KDM4C: variants seen among roughly 807,000 people sequenced by gnomAD.
KDM4C encodes lysine demethylase 4C, also known as lysine-specific demethylase 4C.
Under a neutral mutation model 129.3 loss-of-function variants are expected in KDM4C, and 81 were observed. The observed-to-expected ratio is 0.63, with a 90% CI of 0.52 to 0.75. The LOEUF (loss-of-function observed/expected upper bound fraction) is 0.75. Ranked by LOEUF, KDM4C falls within the 30% of genes least tolerant of loss-of-function variation. KDM4C has a pLI of 0.00. For synonymous variants in KDM4C, 573 were observed against 456.1 expected (o/e 1.26, Z -3.26); for missense variants, 1,457 against 1,304.0 (o/e 1.12, Z -1.81).
intron 17 of KDM4C, among the ~76,000 whole-genome samples, chr9:7,079,925 T>A (rs1248787454): frequency 6.6e-6 from 1 of 152,050 alleles, no homozygotes; most frequent in African/African-American, 2.4e-5. Flanking sequence ...TCCCACAACT[T>A]CTTTTGCTTT....
intron 21 of KDM4C, chr9:7,170,745 A>G: frequency 1.0e-6 from 1 of 983,152 alleles, no homozygotes; most frequent in Non-Finnish European, 1.2e-6. Flanking sequence ...AGTGCTTATG[A>G]TATACTTGTC....
At chr9:6,785,481 C>A (rs564066426) in intron 1 of KDM4C, among the ~76,000 whole-genome samples, 1 of 152,154 alleles carries the variant, frequency 6.6e-6, no homozygotes, top group Non-Finnish European at 1.5e-5. Context: ...GGATTACAGG[C>A]ACCCGCCACC....
chr9:7,021,218 C>G (rs1824791991), intron 15 of KDM4C, among the ~76,000 whole-genome samples: 1 of 151,324 alleles, frequency 6.6e-6, no homozygotes, highest in Non-Finnish European at 1.5e-5. Context: ...GTGGCACAAT[C>G]TCGGCTCACT....
At chr9:7,030,302 A>C (rs144180832) in intron 15 of KDM4C, among the ~76,000 whole-genome samples, 1 of 152,358 alleles carries the variant, frequency 6.6e-6, no homozygotes, top group African/African-American at 2.4e-5. Flanking sequence ...AATACTGACC[A>C]GATGACTAAT....
At chr9:7,021,066 A>G (rs1824738985) in intron 15 of KDM4C, among the ~76,000 whole-genome samples, 1 of 151,616 alleles carries the variant, frequency 6.6e-6, no homozygotes, top group African/African-American at 2.4e-5. Flanking sequence ...GAAGAGTGTC[A>G]ATGGTTGAGC....
intron 4 of KDM4C, among the ~76,000 whole-genome samples, chr9:6,833,585 A>G (rs922132482): frequency 3.3e-5 from 5 of 152,218 alleles, no homozygotes; most frequent in Non-Finnish European, 2.9e-5. Context: ...TCTTTGCTGC[A>G]GTCCCCTCAT....
chr9:7,020,780 G>A (rs905010107), intron 15 of KDM4C, among the ~76,000 whole-genome samples: 5 of 152,234 alleles, frequency 3.3e-5, no homozygotes, highest in African/African-American at 7.2e-5. Flanking sequence ...TGGGGTGTAC[G>A]TCATTTCAAG....
chr9:6,983,256 A>G (rs770104961), intron 9 of KDM4C, among the ~76,000 whole-genome samples: 2 of 152,158 alleles, frequency 1.3e-5, no homozygotes, highest in Non-Finnish European at 2.9e-5. Context: ...TGTATAATAC[A>G]TATGGGTGTG....
At chr9:6,881,691 G>A (rs1443049590) in intron 6 of KDM4C, among the ~76,000 whole-genome samples, 3 of 152,194 alleles carry the variant, frequency 2.0e-5, no homozygotes, top group African/African-American at 7.2e-5. Context: ...TCAGTAAGAG[G>A]TTAATGAACT....
chr9:6,984,368 G>C lies in KDM4C; in HGVS notation c.1318G>C (p.Val440Leu), dbSNP rs368350253. ...EEESSASRMQ[V>L]EQNLSDHIKL... ...AGAGTCATCTGCTAGCAGGATGCAG[G>C]TGGAGCAGAATTTATCAGATCATAT... Residue 440 changes from valine to leucine, a missense_variant, in exon 10 of 22, where the codon GTG becomes CTG. By Grantham distance (32) the Val-to-Leu change is conservative. Coordinates refer to ENST00000381309, the MANE Select transcript of KDM4C (RefSeq NM_015061.6). 1.2e-5 allele frequency: 19 copies of C among 1,613,700 alleles called. No individual in the cohort carries two copies. In the African/African-American group the frequency reaches 2.5e-4, roughly 22 times the overall value.
chr9:7,072,996 A>C (rs1215359168), intron 17 of KDM4C, among the ~76,000 whole-genome samples: 1 of 152,154 alleles, frequency 6.6e-6, no homozygotes, highest in East Asian at 1.9e-4. Context: ...GGTGAAGAAA[A>C]GTAGTAGGAG....
At chr9:7,163,613 T>C (rs2130389874) in intron 19 of KDM4C, among the ~76,000 whole-genome samples, 1 of 152,110 alleles carries the variant, frequency 6.6e-6, no homozygotes, top group African/African-American at 2.4e-5. Context: ...CTGATGCGAC[T>C]CTCTAACCTC....
intron 19 of KDM4C, among the ~76,000 whole-genome samples, chr9:7,162,599 A>G (rs897641515): frequency 1.3e-5 from 2 of 152,212 alleles, no homozygotes; most frequent in African/African-American, 4.8e-5. Flanking sequence ...ATGCTTGTCC[A>G]GTCCACGTTT....
chr9:6,847,689 C>T (rs763014306), intron 4 of KDM4C, among the ~76,000 whole-genome samples: 2 of 152,298 alleles, frequency 1.3e-5, no homozygotes, highest in East Asian at 1.9e-4. Flanking sequence ...CGCGCCCGGC[C>T]GGATCTTCTC....
At chr9:6,932,645 G>A (rs1024134609) in intron 8 of KDM4C, among the ~76,000 whole-genome samples, 1 of 152,190 alleles carries the variant, frequency 6.6e-6, no homozygotes, top group Non-Finnish European at 1.5e-5. Flanking sequence ...CTGGTGCACA[G>A]CCAAAGCAGC....
intron 8 of KDM4C, among the ~76,000 whole-genome samples, chr9:6,918,426 G>A (rs371072628): frequency 4.6e-5 from 7 of 152,254 alleles, no homozygotes; most frequent in African/African-American, 1.7e-4. Flanking sequence ...TACTGTGGAT[G>A]GGCACTTAGG....
intron 5 of KDM4C, among the ~76,000 whole-genome samples, chr9:6,852,309 A>G (rs544112351): frequency 3.9e-5 from 6 of 152,216 alleles, no homozygotes; most frequent in African/African-American, 1.4e-4. Context: ...AGCTTAGGAC[A>G]CGAGGGCCCA....
At chr9:6,986,213 G>A (rs1484641511) in intron 10 of KDM4C, 131 bp from the exon 11 acceptor site, 4 of 628,906 alleles carry the variant, frequency 6.4e-6, no homozygotes, top group Non-Finnish European at 1.1e-5. Context: ...TTTTGTGTGT[G>A]TGCATGTATG....
chr9:7,130,781 C>T (rs1564156516), intron 19 of KDM4C, among the ~76,000 whole-genome samples: 1 of 151,926 alleles, frequency 6.6e-6, no homozygotes, highest in East Asian at 1.9e-4. Context: ...TTTTTTGAGA[C>T]AGGGCCTCAT....
Sources: allele counts gnomAD v4.1 joint callset (sites outside exome capture counted in the v4.1 genomes callset), GRCh38; gene constraint gnomAD v4.1.1; transcripts MANE v1.5; gene names NCBI Gene and HGNC (gene_info 2026-07-23, HGNC 2026-07-21).